Variants in IRAG2 observed in about 807,000 individuals in gnomAD.
IRAG2 encodes lymphoid restricted membrane protein.
A neutral mutation model predicts 69.9 loss-of-function variants in IRAG2; 45 were observed. The observed-to-expected ratio is 0.64, with a 90% CI of 0.51 to 0.83. The LOEUF is 0.83. Among genes scored for constraint, IRAG2 ranks in the 40% least tolerant of loss-of-function variants. IRAG2 has a pLI of 0.00. For synonymous variants in IRAG2, 193 were observed against 202.4 expected (o/e 0.95, Z 0.40); for missense variants, 520 against 587.0 (o/e 0.89, Z 1.18).
intron 15 of IRAG2, among the ~76,000 whole-genome samples, chr12:25,037,586 T>G (rs1390141525): frequency 6.6e-6 from 1 of 152,082 alleles, no homozygotes; most frequent in Non-Finnish European, 1.5e-5. Flanking sequence ...GTCAATCTAA[T>G]TTTTTTAAGA....
At chr12:25,071,400 C>T (rs1946329683) in intron 6 of IRAG2, among the ~76,000 whole-genome samples, 1 of 152,006 alleles carries the variant, frequency 6.6e-6, no homozygotes, top group Non-Finnish European at 1.5e-5. Flanking sequence ...CTTGCTCTTA[C>T]CTAGCAATTC....
intron 14 of IRAG2, chr12:25,093,795 A>C (rs993448106): frequency 5.2e-5 from 8 of 154,464 alleles, no homozygotes; most frequent in African/African-American, 1.9e-4. Context: ...GTAGGCTTGC[A>C]CTTTTGACCA....
At chr12:25,105,680 C>G (rs573765887) in intron 20 of IRAG2, among the ~76,000 whole-genome samples, 1 of 152,006 alleles carries the variant, frequency 6.6e-6, no homozygotes, top group East Asian at 1.9e-4. Flanking sequence ...AAAAGATTAT[C>G]TAGTTTTTGC....
chr12:25,106,006 G>C (rs1271009844), intron 20 of IRAG2, among the ~76,000 whole-genome samples: 1 of 152,086 alleles, frequency 6.6e-6, no homozygotes, highest in Non-Finnish European at 1.5e-5. Context: ...TAAATAATAT[G>C]ATTTGATTTA....
upstream of IRAG2, among the ~76,000 whole-genome samples, chr12:25,049,536 A>G (rs902377141): frequency 2.0e-5 from 3 of 152,252 alleles, no homozygotes; most frequent in African/African-American, 4.8e-5. Flanking sequence ...AAATAACTAG[A>G]TTTAAAAATA....
At chr12:25,098,729 C>T (rs777335159) in intron 15 of IRAG2, among the ~76,000 whole-genome samples, 2 of 152,144 alleles carry the variant, frequency 1.3e-5, no homozygotes, top group African/African-American at 4.8e-5. Context: ...TGGCCACCAC[C>T]CTGTTTCTCT....
rs936469599 is a variant in IRAG2 at position 25,066,418 on chromosome 12, T to C, written c.-153T>C. 2 of 401,028 alleles carry C rather than the reference T, an allele frequency of 5.0e-6. No homozygotes were observed. Among genetic ancestry groups the C allele is most frequent in the African/African-American group, 4.1e-5 (2 of 48,690 alleles). 24.8% of individuals were successfully genotyped at this position (401,028 alleles called of 1,614,324 possible). A position where few individuals can be genotyped will look rare whatever the true frequency, so the allele number is the denominator to read the frequency against. On this transcript the variant is annotated 5_prime_UTR_variant, in exon 5 of 22. Transcript: ENST00000556887. ...AGTTCCAACCCTGGAATCAACACCT[T>C]TCTCAGGTGTAGCCAACCAAATCCA...
chr12:25,107,673 C>T (rs1044658850), intron 21 of IRAG2, 144 bp from the exon 22 acceptor site: 9 of 729,124 alleles, frequency 1.2e-5, no homozygotes, highest in Non-Finnish European at 2.0e-5. Context: ...GTTTCCAAAA[C>T]CAAAATGATA....
At chr12:25,043,761 A>C (rs1013069255) in intron 16 of IRAG2, among the ~76,000 whole-genome samples, 1 of 152,226 alleles carries the variant, frequency 6.6e-6, no homozygotes. Flanking sequence ...GTATGAGACC[A>C]GTATGTGAAG....
chr12:25,048,637 A>AGTTCCTTGC (rs1944817257), upstream of IRAG2, among the ~76,000 whole-genome samples: 2 of 152,102 alleles, frequency 1.3e-5, no homozygotes, highest in Admixed American at 1.3e-4. Context: ...AATTTGTTAA[A>AGTTCCTTGC]GTTCCTTGCA....
At chr12:25,052,457 A>G (rs75331070), upstream of IRAG2, 1 of 395,762 alleles carries the variant, frequency 2.5e-6, no homozygotes, top group Admixed American at 4.4e-5. Flanking sequence ...AAAAAAAAAA[A>G]GCAAAGAGGA....
chr12:25,079,689 G>C lies in IRAG2; in HGVS notation c.170G>C (p.Cys57Ser). The C allele has an allele frequency of 6.2e-7, 1 of 1,613,826 alleles. No individual in the cohort carries two copies. Among genetic ancestry groups the C allele is most frequent in the Non-Finnish European group, 8.5e-7 (1 of 1,179,830 alleles). Reference protein sequence around the residue: ...PGLEILNMASCDLDRNSLCKK... With the variant: ...PGLEILNMASSDLDRNSLCKK... ...TTAGAAATTCTGAATATGGCTTCTTGTGACCTTGACAGAAACTCGCTCTGT... is the reference window on the plus strand; with the variant it reads ...TTAGAAATTCTGAATATGGCTTCTTCTGACCTTGACAGAAACTCGCTCTGT... Residue 57 changes from cysteine (C) to serine (S), a missense_variant, in exon 9 of 22, where the codon TGT becomes TCT. Physicochemically the swap from Cys to Ser is moderately radical, Grantham distance 112. Coordinates refer to ENST00000556887, the MANE Select transcript of IRAG2 (RefSeq NM_001366544.2).
At chr12:25,010,062 A>T (rs1386179675) in intron 2 of IRAG2, among the ~76,000 whole-genome samples, 1 of 152,236 alleles carries the variant, frequency 6.6e-6, no homozygotes, top group East Asian at 1.9e-4. Flanking sequence ...GAAATTAACC[A>T]TTACAGGAGG....
chr12:25,002,641 CTTCTT>C (rs1244875177), upstream of IRAG2, among the ~76,000 whole-genome samples: 5 of 148,538 alleles, frequency 3.4e-5, no homozygotes, highest in East Asian at 2.0e-4. Flanking sequence ...TCTTCTTCTT[CTTCTT>C]TTCTTTTTTT....
intron 16 of IRAG2, among the ~76,000 whole-genome samples, chr12:25,043,731 T>C (rs1944769448): frequency 6.6e-6 from 1 of 152,172 alleles, no homozygotes; most frequent in Non-Finnish European, 1.5e-5. Flanking sequence ...TCTTCCTGGA[T>C]TGATTAAGGG....
upstream of IRAG2, among the ~76,000 whole-genome samples, chr12:25,051,382 G>A (rs946352041): frequency 6.6e-6 from 1 of 152,180 alleles, no homozygotes; most frequent in African/African-American, 2.4e-5. Flanking sequence ...CGTTTGAGAG[G>A]CATGCACAAG....
At chr12:25,079,155 A>G (rs759012443) in intron 6 of IRAG2, 89 bp from the exon 7 acceptor site, 3 of 1,294,790 alleles carry the variant, frequency 2.3e-6, no homozygotes, top group Non-Finnish European at 3.4e-6. Context: ...GTTCATTTAG[A>G]ATTGTATGAA....
At chr12:25,021,511 T>G (rs1275021692) in intron 7 of IRAG2, among the ~76,000 whole-genome samples, 1 of 152,166 alleles carries the variant, frequency 6.6e-6, no homozygotes, top group Non-Finnish European at 1.5e-5. Flanking sequence ...AAATCATTCC[T>G]TATGCTAAAT....
intron 14 of IRAG2, among the ~76,000 whole-genome samples, chr12:25,091,553 C>T (rs1054564029): frequency 2.6e-5 from 4 of 152,122 alleles, no homozygotes; most frequent in Admixed American, 6.5e-5. Context: ...CTGTTAGAAA[C>T]GTAGGTGTAT....
Sources: allele counts gnomAD v4.1 joint callset (sites outside exome capture counted in the v4.1 genomes callset), GRCh38; gene constraint gnomAD v4.1.1; transcripts MANE v1.5; gene names NCBI Gene and HGNC (gene_info 2026-07-23, HGNC 2026-07-21).